The following TMEM30A variants were observed in gnomAD, a reference collection of about 807,000 sequenced individuals.
TMEM30A encodes cell cycle control protein 50A.
Under a neutral mutation model 38.2 loss-of-function variants are expected in TMEM30A, and 24 were observed. The ratio of observed to expected loss-of-function variants is 0.63; its 90% confidence interval spans 0.46 to 0.88. TMEM30A has a LOEUF of 0.88. Among genes scored for constraint, TMEM30A ranks in the 40% least tolerant of loss-of-function variants. TMEM30A has a pLI of 0.00. For synonymous variants in TMEM30A, 145 were observed against 161.6 expected, an observed-to-expected ratio of 0.90 and a Z score of 0.78; for missense variants, 370 against 458.6, an observed-to-expected ratio of 0.81 and a Z score of 1.77.
chr6:75,269,299 C>CT (rs1285179506), intron 1 of TMEM30A, among the ~76,000 whole-genome samples: 1 of 152,180 alleles, frequency 6.6e-6, no homozygotes, highest in Non-Finnish European at 1.5e-5. Context: ...CCTCTGTACT[C>CT]TATATCCCTC....
intron 3 of TMEM30A, among the ~76,000 whole-genome samples, chr6:75,263,022 G>A (rs1316979556): frequency 6.6e-6 from 1 of 152,230 alleles, no homozygotes; most frequent in Non-Finnish European, 1.5e-5. Context: ...TACAGTAAGT[G>A]TTATGAAGAG....
Position 75,252,958 on chromosome 6 carries a change from CAA to C in TMEM30A, c.*3142_*3143del, listed in dbSNP as rs1269378885. 1 of 152,046 alleles carries C rather than the reference CAA, an allele frequency of 6.6e-6. No individual in the cohort carries two copies. Among genetic ancestry groups the C allele is most frequent in the African/African-American group, 2.4e-5 (1 of 41,400 alleles). The allele number at this position is 152,046 out of a possible 1,614,324, so 9.4% of individuals were successfully genotyped here. On this transcript the variant is annotated 3_prime_UTR_variant, in exon 7 of 7. Transcript: ENST00000230461. ...AGACAAGATATTTATTTTGAAGTTC[CAA>C]ATGACATTAGCAGAATTGTGATTTT...
chr6:75,256,864 G>T, intron 6 of TMEM30A: 1 of 433,958 alleles, frequency 2.3e-6, no homozygotes, highest in Admixed American at 2.6e-5. Flanking sequence ...GGCAGTGAAG[G>T]GTGGGCTGTT....
intron 1 of TMEM30A, among the ~76,000 whole-genome samples, chr6:75,278,206 G>A (rs1005614601): frequency 1.2e-4 from 18 of 152,080 alleles, no homozygotes; most frequent in African/African-American, 4.1e-4. Flanking sequence ...CTACTCTCAC[G>A]TCTATATGAG....
At chr6:75,269,842 G>A (rs1394040811) in intron 1 of TMEM30A, among the ~76,000 whole-genome samples, 1 of 152,108 alleles carries the variant, frequency 6.6e-6, no homozygotes, top group Non-Finnish European at 1.5e-5. Context: ...CTACAGGAGT[G>A]CACCACCATG....
At chr6:75,280,229 T>C (rs925289591) in intron 1 of TMEM30A, among the ~76,000 whole-genome samples, 2 of 152,160 alleles carry the variant, frequency 1.3e-5, no homozygotes, top group Non-Finnish European at 2.9e-5. Flanking sequence ...TATTGAGGAC[T>C]AGAACATGTA....
At chr6:75,280,992 A>T (rs1772348562) in intron 1 of TMEM30A, among the ~76,000 whole-genome samples, 1 of 152,146 alleles carries the variant, frequency 6.6e-6, no homozygotes, top group Non-Finnish European at 1.5e-5. Context: ...AATAATCAGG[A>T]TTAAATAATC....
chr6:75,259,403 T>G lies in TMEM30A; in HGVS notation c.629A>C (p.Lys210Thr). 6 of 1,613,720 alleles carry G rather than the reference T, an allele frequency of 3.7e-6. No individual in the cohort carries two copies. The highest frequency in any genetic ancestry group is 5.1e-6 in the Non-Finnish European group (6 of 1,179,774). ...KKKGIAWWTD[K>T]NVKFRNPPGG... ...AGGGGGATTTCTGAATTTCACATTT[T>G]TATCTGTCCACCAAGCAATACCTTT... Residue 210 changes from lysine (K) to threonine (T), a missense_variant, in exon 5 of 7, where the codon AAA becomes ACA. By Grantham distance (78) the Lys-to-Thr change is moderately conservative (BLOSUM62 -1). Transcript: ENST00000230461.
At position 75,258,956 on chromosome 6, in the gene TMEM30A, G is replaced by T; in HGVS notation, c.716C>A (p.Pro239Gln). 2 of 1,613,642 alleles carry T rather than the reference G, an allele frequency of 1.2e-6. No individual in the cohort carries two copies. Among genetic ancestry groups the T allele is most frequent in the African/African-American group, 1.3e-5 (1 of 75,002 alleles). The change falls in exon 6 of 7, where the codon CCA becomes CAA. Residue 239 changes from proline (P) to glutamine (Q), a missense_variant. Coordinates refer to ENST00000230461, the MANE Select transcript of TMEM30A (RefSeq NM_018247.4). ...GTTKPVNWLK[P>Q]VYMLDSDPDN... ...TGGGTCAGAATCCAGCATGTAAACT[G>T]GTTTAAGCCAGTTCACAGGCTTTGT...
intron 1 of TMEM30A, among the ~76,000 whole-genome samples, chr6:75,270,796 C>A (rs756901319): frequency 3.7e-4 from 56 of 152,270 alleles, no homozygotes; most frequent in Non-Finnish European, 6.8e-4. Flanking sequence ...TCCAGTATAA[C>A]CTCCTATAGA....
At chr6:75,273,211 C>T (rs566165425) in intron 1 of TMEM30A, among the ~76,000 whole-genome samples, 3 of 152,158 alleles carry the variant, frequency 2.0e-5, no homozygotes, top group Admixed American at 6.5e-5. Flanking sequence ...AAAGCCTCAG[C>T]AAGCTAAGTA....
At chr6:75,261,888 T>C (rs889524936) in intron 3 of TMEM30A, among the ~76,000 whole-genome samples, 2 of 152,218 alleles carry the variant, frequency 1.3e-5, no homozygotes, top group African/African-American at 4.8e-5. Context: ...TTTTGGTCCC[T>C]ACACCATCTG....
chr6:75,266,316 A>G (rs1414343147), intron 2 of TMEM30A, among the ~76,000 whole-genome samples: 1 of 152,210 alleles, frequency 6.6e-6, no homozygotes, highest in East Asian at 1.9e-4. Context: ...AAATTTTCCC[A>G]TTCTATATAA....
chr6:75,260,957 T>G, intron 3 of TMEM30A, 46 bp from the exon 4 acceptor site: 17 of 1,314,998 alleles, frequency 1.3e-5, no homozygotes, highest in Non-Finnish European at 1.5e-5. Context: ...ATCCAGGCCT[T>G]TGGGAGAACT....
At position 75,265,270 on chromosome 6, in the gene TMEM30A, T is replaced by A; in HGVS notation, c.414A>T (p.Arg138=). The change falls in exon 3 of 7, where the codon CGA becomes CGT. Residue 138 remains arginine (R), a synonymous_variant. Transcript: ENST00000230461. The part of the protein sequence containing the change: ...YQNHRRYVKS[R]DDSQLNGDSS... ...AATCTCCATTTAGTTGACTATCATC[T>A]CGAGATTTCACGTAACGACGATGGT... 5 of 1,611,910 alleles carry A rather than the reference T, an allele frequency of 3.1e-6. No individual in the cohort carries two copies. Among genetic ancestry groups the A allele is most frequent in the Admixed American group, 1.7e-5 (1 of 59,960 alleles).
chr6:75,262,411 G>A (rs1337140895), intron 3 of TMEM30A, among the ~76,000 whole-genome samples: 3 of 152,078 alleles, frequency 2.0e-5, no homozygotes, highest in African/African-American at 2.4e-5. Context: ...TTGGGAGGCC[G>A]AGGCTGGTGG....
chr6:75,263,447 T>C (rs1393118198), intron 3 of TMEM30A, among the ~76,000 whole-genome samples: 3 of 152,214 alleles, frequency 2.0e-5, no homozygotes, highest in Non-Finnish European at 4.4e-5. Flanking sequence ...GATTGGATGA[T>C]GTGAGACACA....
intron 3 of TMEM30A, among the ~76,000 whole-genome samples, chr6:75,263,785 T>C (rs1028638521): frequency 6.6e-6 from 1 of 152,208 alleles, no homozygotes; most frequent in Non-Finnish European, 1.5e-5. Flanking sequence ...ACATAATATC[T>C]GACCCTTTAC....
At position 75,258,970 on chromosome 6, in the gene TMEM30A, C is replaced by T. The variant is rs1486201256; in HGVS notation, c.702G>A (p.Val234=). 2 of 1,613,204 alleles carry T rather than the reference C, an allele frequency of 1.2e-6. No individual in the cohort carries two copies. Among genetic ancestry groups the T allele is most frequent in the Non-Finnish European group, 1.7e-6 (2 of 1,179,746 alleles). Residue 234 remains valine, a synonymous_variant, in exon 6 of 7, where the codon GTG becomes GTA. Transcript: ENST00000230461. ...EERFKGTTKP[V]NWLKPVYMLD... ...GCATGTAAACTGGTTTAAGCCAGTT[C>T]ACAGGCTTTGTTGTACCTTAAAAGG...
Sources: gnomAD v4.1 joint callset for allele counts (sites outside exome capture counted in the v4.1 genomes callset) on GRCh38, gnomAD v4.1.1 for gene constraint, MANE v1.5 for transcripts, NCBI Gene and HGNC (gene_info 2026-07-23, HGNC 2026-07-21) for gene names.